Variants in ZNF385B observed in about 807,000 individuals in gnomAD.
ZNF385B encodes the protein zinc finger protein 385B, also known as zinc finger protein 533.
In ZNF385B, 23 loss-of-function variants were observed where a neutral mutation model predicts 39.2. The observed-to-expected ratio is 0.59, with a 90% CI of 0.42 to 0.83. ZNF385B has a LOEUF of 0.83. Among genes scored for constraint, ZNF385B ranks in the 40% least tolerant of loss-of-function variants. ZNF385B has a pLI of 0.00. For missense variants in ZNF385B, 552 were observed against 598.9 expected, an observed-to-expected ratio of 0.92 and a Z score of 0.82; for synonymous variants, 205 against 222.6, an observed-to-expected ratio of 0.92 and a Z score of 0.70.
chr2:179,741,632 T>C (rs1441937153), intron 3 of ZNF385B, among the ~76,000 whole-genome samples: 1 of 152,122 alleles, frequency 6.6e-6, no homozygotes, highest in Non-Finnish European at 1.5e-5. Flanking sequence ...GCTGAGCATG[T>C]GCACAATTAA....
At chr2:179,771,406 T>C (rs1192592408) in intron 1 of ZNF385B, among the ~76,000 whole-genome samples, 1 of 152,234 alleles carries the variant, frequency 6.6e-6, no homozygotes, top group African/African-American at 2.4e-5. Context: ...TGAACACTGT[T>C]AATTTTGATA....
intron 5 of ZNF385B, among the ~76,000 whole-genome samples, chr2:179,504,773 C>A (rs1003014913): frequency 1.3e-5 from 2 of 151,072 alleles, no homozygotes; most frequent in Non-Finnish European, 2.9e-5. Context: ...CAAACCCGCA[C>A]GTTGTGCACA....
At chr2:179,529,193 T>A (rs2059112762) in intron 4 of ZNF385B, among the ~76,000 whole-genome samples, 1 of 152,204 alleles carries the variant, frequency 6.6e-6, no homozygotes, top group Non-Finnish European at 1.5e-5. Context: ...TTAATGTGAT[T>A]TATTAAAGAA....
intron 4 of ZNF385B, among the ~76,000 whole-genome samples, chr2:179,521,222 C>T (rs569792274): frequency 6.6e-6 from 1 of 151,526 alleles, no homozygotes; most frequent in East Asian, 1.9e-4. Context: ...AGTCTTGCTC[C>T]GTGGCCCAGG....
intron 5 of ZNF385B, among the ~76,000 whole-genome samples, chr2:179,486,107 T>C (rs2054540803): frequency 6.6e-6 from 1 of 152,190 alleles, no homozygotes; most frequent in South Asian, 2.1e-4. Context: ...CCAACTAATA[T>C]AGTTTGGTAG....
chr2:179,536,008 C>T (rs1456635693), intron 4 of ZNF385B, among the ~76,000 whole-genome samples: 1 of 152,170 alleles, frequency 6.6e-6, no homozygotes, highest in Non-Finnish European at 1.5e-5. Flanking sequence ...TCAGAGGCCA[C>T]TATCACTGAT....
intron 5 of ZNF385B, among the ~76,000 whole-genome samples, chr2:179,510,127 G>T (rs1443587442): frequency 8.5e-6 from 1 of 117,192 alleles, no homozygotes. Context: ...TGCTACAAGT[G>T]TATACACTAA....
At chr2:179,674,002 G>T (rs935120278) in intron 3 of ZNF385B, among the ~76,000 whole-genome samples, 1 of 152,084 alleles carries the variant, frequency 6.6e-6, no homozygotes, top group African/African-American at 2.4e-5. Flanking sequence ...GATCTTAGAA[G>T]CACAGTTACT....
intron 3 of ZNF385B, among the ~76,000 whole-genome samples, chr2:179,622,551 A>G (rs1690304713): frequency 6.6e-6 from 1 of 152,202 alleles, no homozygotes; most frequent in South Asian, 2.1e-4. Context: ...CTTCCCAGGA[A>G]GGGTTATAGA....
chr2:179,720,133 A>G (rs1361622190), intron 3 of ZNF385B, among the ~76,000 whole-genome samples: 2 of 152,144 alleles, frequency 1.3e-5, no homozygotes, highest in African/African-American at 2.4e-5. Context: ...AGCGACGGTC[A>G]TCTCATGCAA....
chr2:179,537,255 T>G (rs1424392542), intron 4 of ZNF385B, among the ~76,000 whole-genome samples: 1 of 147,228 alleles, frequency 6.8e-6, no homozygotes, highest in Non-Finnish European at 1.5e-5. Context: ...TGAGCCAAGA[T>G]TGTGCCATTG....
chr2:179,684,267 T>G (rs1337250600), intron 3 of ZNF385B, among the ~76,000 whole-genome samples: 1 of 152,208 alleles, frequency 6.6e-6, no homozygotes, highest in Non-Finnish European at 1.5e-5. Flanking sequence ...CTGGACATAT[T>G]TGTACTCAGA....
intron 3 of ZNF385B, among the ~76,000 whole-genome samples, chr2:179,552,169 C>T (rs1215095838): frequency 1.3e-5 from 2 of 149,080 alleles, no homozygotes; most frequent in Non-Finnish European, 1.5e-5. Flanking sequence ...CAGATGACAC[C>T]TGAAATTATT....
At chr2:179,471,613 A>T (rs1161837430) in intron 6 of ZNF385B, among the ~76,000 whole-genome samples, 1 of 152,236 alleles carries the variant, frequency 6.6e-6, no homozygotes, top group Non-Finnish European at 1.5e-5. Flanking sequence ...TGAAATATTT[A>T]TACTCTTCAC....
At chr2:179,486,411 A>T (rs2054572416) in intron 5 of ZNF385B, among the ~76,000 whole-genome samples, 1 of 152,198 alleles carries the variant, frequency 6.6e-6, no homozygotes, top group Non-Finnish European at 1.5e-5. Flanking sequence ...TTAATTATAT[A>T]CCCACATTAT....
In ZNF385B at chr2:179,604,110, T is replaced by A. The variant is rs1219347092; in HGVS notation, c.299-59141A>T. Among the ~76,000 whole-genome samples, 4 of 152,302 alleles carry A rather than the reference T, an allele frequency of 2.6e-5. No homozygotes were observed. The East Asian group carries it at 7.7e-4, about 29-fold the overall frequency. ...ATCCAAGTATCCATTCAGAAAGTGC[T>A]TTTGTGGTAATTTGTGACCAGTTTT... On this transcript the variant is annotated intron_variant, in intron 3 of 9. Transcript: ENST00000410066.
At chr2:179,730,555 C>T (rs1009641315) in intron 3 of ZNF385B, among the ~76,000 whole-genome samples, 3 of 152,132 alleles carry the variant, frequency 2.0e-5, no homozygotes, top group African/African-American at 4.8e-5. Flanking sequence ...GAAGTCTATG[C>T]CTAATTTAAA....
chr2:179,456,543 T>C (rs1009092921), intron 6 of ZNF385B, among the ~76,000 whole-genome samples: 1 of 152,224 alleles, frequency 6.6e-6, no homozygotes. Context: ...AATACAGTTT[T>C]AAATGTTAAA....
At chr2:179,488,812 A>G (rs1162833420) in intron 5 of ZNF385B, among the ~76,000 whole-genome samples, 2 of 152,218 alleles carry the variant, frequency 1.3e-5, no homozygotes, top group Admixed American at 6.5e-5. Context: ...CAAATAAAAC[A>G]TATGTCAAAT....
Sources: allele counts gnomAD v4.1 joint callset (sites outside exome capture counted in the v4.1 genomes callset), GRCh38; gene constraint gnomAD v4.1.1; transcripts MANE v1.5; gene names NCBI Gene and HGNC (gene_info 2026-07-23, HGNC 2026-07-21).